The following KCTD1 variants were observed in gnomAD, a reference collection of about 807,000 sequenced individuals.
KCTD1 encodes BTB/POZ domain-containing protein KCTD1.
KCTD1 carries 24 observed loss-of-function variants against 66.0 expected under a neutral mutation model. That is an observed-to-expected ratio of 0.36 (90% CI 0.26 to 0.51). KCTD1 has a LOEUF of 0.51. Among genes scored for constraint, KCTD1 ranks in the 20% least tolerant of loss-of-function variants. The pLI is 0.95. For missense variants in KCTD1, 943 were observed against 1,205.2 expected (o/e 0.78, Z 3.22); for synonymous variants, 511 against 517.2 (o/e 0.99, Z 0.16).
In KCTD1 at chr18:26,656,218, G is replaced by A. The variant is rs1034417857; in HGVS notation, c.9+1142C>T. ...GCCAGGAGGGGAGGGAAGGATGCGG[G>A]CTCCTGACTTGGCGCTGACCGCAGC... On this transcript the variant is annotated intron_variant, in intron 1 of 4. Transcript: ENST00000580191. 3.1e-4 allele frequency among the ~76,000 whole-genome samples: 47 copies of A among 152,136 alleles called. 1 individual carries two copies. Among genetic ancestry groups the A allele is most frequent in the Non-Finnish European group, 1.5e-4 (10 of 68,022 alleles).
At chr18:26,575,721 A>G (rs1986210329) in intron 1 of KCTD1, 1 of 152,218 alleles carries the variant, frequency 6.6e-6, no homozygotes, top group Admixed American at 6.5e-5. Flanking sequence ...TGTGCTTTTC[A>G]TACTTCATTA....
intron 1 of KCTD1, among the ~76,000 whole-genome samples, chr18:26,570,403 C>A (rs1567996976): frequency 1.3e-5 from 2 of 151,772 alleles, no homozygotes; most frequent in Non-Finnish European, 2.9e-5. Flanking sequence ...AATCCTAACT[C>A]TCTATTACTT....
At chr18:26,650,942 G>A (rs926335193) in intron 1 of KCTD1, among the ~76,000 whole-genome samples, 11 of 152,164 alleles carry the variant, frequency 7.2e-5, no homozygotes, top group Non-Finnish European at 1.3e-4. Flanking sequence ...CGTTGGTGTC[G>A]GCAGCAAGGG....
intron 3 of KCTD1, among the ~76,000 whole-genome samples, chr18:26,464,338 C>T (rs1980607339): frequency 6.6e-6 from 1 of 152,218 alleles, no homozygotes. Context: ...ATCCCATCTT[C>T]TCTAACCCCG....
intron 3 of KCTD1, among the ~76,000 whole-genome samples, chr18:26,461,911 T>A (rs1980454130): frequency 6.6e-6 from 1 of 151,830 alleles, no homozygotes; most frequent in South Asian, 2.1e-4. Flanking sequence ...AGGTCAGGAG[T>A]CTTGAGACCA....
intron 4 of KCTD1, 180 bp from the exon 5 acceptor site, chr18:26,456,081 T>C: frequency 1.7e-6 from 1 of 582,614 alleles, no homozygotes; most frequent in South Asian, 2.5e-5. Flanking sequence ...GAAGCAAGCA[T>C]TTCTAATGCC....
intron 1 of KCTD1, among the ~76,000 whole-genome samples, chr18:26,541,535 A>C (rs1194869401): frequency 2.0e-5 from 3 of 152,208 alleles, no homozygotes; most frequent in Non-Finnish European, 4.4e-5. Context: ...ATGTAAGTGG[A>C]TCTTTTTTAG....
chr18:26,584,722 C>A (rs1387105536), intron 1 of KCTD1, among the ~76,000 whole-genome samples: 1 of 152,084 alleles, frequency 6.6e-6, no homozygotes, highest in Non-Finnish European at 1.5e-5. Flanking sequence ...TAGGAGGGGG[C>A]TCCCGACCAC....
upstream of KCTD1, among the ~76,000 whole-genome samples, chr18:26,640,582 T>C (rs1987814672): frequency 6.6e-6 from 1 of 152,146 alleles, no homozygotes; most frequent in South Asian, 2.1e-4. Context: ...TACACGTGTC[T>C]GTGTGTGTCC....
At chr18:26,494,459 G>C (rs1017189648) in intron 2 of KCTD1, among the ~76,000 whole-genome samples, 4 of 152,116 alleles carry the variant, frequency 2.6e-5, no homozygotes, top group African/African-American at 9.7e-5. Flanking sequence ...AATTAGGCTC[G>C]AAGACTTTAT....
intron 1 of KCTD1, among the ~76,000 whole-genome samples, chr18:26,612,468 G>T (rs1189285032): frequency 2.0e-5 from 3 of 152,098 alleles, no homozygotes; most frequent in Non-Finnish European, 4.4e-5. Flanking sequence ...AATAGGACCG[G>T]TGTCTTTGTA....
At chr18:26,534,612 T>G (rs150067847) in intron 1 of KCTD1, among the ~76,000 whole-genome samples, 188 of 152,308 alleles carry the variant, frequency 1.2e-3, no homozygotes, top group African/African-American at 4.3e-3. Flanking sequence ...TATATGTATA[T>G]TTTATACATA....
At chr18:26,549,847 A>G (rs1985480574), upstream of KCTD1, 1 of 978,508 alleles carries the variant, frequency 1.0e-6, no homozygotes, top group South Asian at 4.7e-5. Context: ...TCGCTTTCCC[A>G]TAGGAGACAC....
intron 1 of KCTD1, among the ~76,000 whole-genome samples, chr18:26,601,233 T>A (rs1986888125): frequency 6.7e-6 from 1 of 148,172 alleles, no homozygotes; most frequent in South Asian, 2.1e-4. Flanking sequence ...CCGTACGGAC[T>A]TGGGGTCTAT....
chr18:26,532,836 T>C (rs1430543758), intron 1 of KCTD1, among the ~76,000 whole-genome samples: 5 of 152,238 alleles, frequency 3.3e-5, no homozygotes, highest in Admixed American at 6.5e-5. Flanking sequence ...CTTCCATCTA[T>C]ATTAATCATG....
At chr18:26,620,094 G>A (rs1031708464) in intron 1 of KCTD1, among the ~76,000 whole-genome samples, 2 of 152,094 alleles carry the variant, frequency 1.3e-5, no homozygotes, top group Non-Finnish European at 2.9e-5. Flanking sequence ...GCAGAGATGA[G>A]GGGTTTTTGT....
chr18:26,593,047 C>G (rs746340934), intron 1 of KCTD1, among the ~76,000 whole-genome samples: 1 of 152,200 alleles, frequency 6.6e-6, no homozygotes, highest in Non-Finnish European at 1.5e-5. Context: ...TGTTCAATCT[C>G]ACAGAGAATG....
chr18:26,598,968 T>C (rs1382544044), intron 1 of KCTD1, among the ~76,000 whole-genome samples: 1 of 152,224 alleles, frequency 6.6e-6, no homozygotes, highest in South Asian at 2.1e-4. Context: ...CTTCATGATG[T>C]CTTTTGTAGC....
chr18:26,589,110 C>T (rs954662662), intron 1 of KCTD1, among the ~76,000 whole-genome samples: 3 of 152,062 alleles, frequency 2.0e-5, no homozygotes, highest in South Asian at 2.1e-4. Flanking sequence ...CTGCATGAGG[C>T]GACCTCATAA....
Sources: gnomAD v4.1 joint callset for allele counts (sites outside exome capture counted in the v4.1 genomes callset) on GRCh38, gnomAD v4.1.1 for gene constraint, MANE v1.5 for transcripts, NCBI Gene and HGNC (gene_info 2026-07-23, HGNC 2026-07-21) for gene names.